Variants in FREM1 observed in about 807,000 individuals in gnomAD.
FREM1 encodes the protein FRAS1-related extracellular matrix protein 1.
A neutral mutation model predicts 210.1 loss-of-function variants in FREM1; 220 were observed. The ratio of observed to expected loss-of-function variants is 1.05; its 90% confidence interval spans 0.94 to 1.17. FREM1 has a LOEUF of 1.17. Ranked by LOEUF, FREM1 falls within the 50% of genes most tolerant of loss-of-function variation. The pLI, the probability that FREM1 is intolerant of heterozygous loss-of-function variation, is 0.00. For missense variants in FREM1, 3,454 were observed against 2,675.5 expected (o/e 1.29, Z -6.42); for synonymous variants, 1,189 against 980.2 (o/e 1.21, Z -3.98).
At chr9:14,835,473 G>C (rs1588261174) in intron 10 of FREM1, among the ~76,000 whole-genome samples, 1 of 152,226 alleles carries the variant, frequency 6.6e-6, no homozygotes, top group African/African-American at 2.4e-5. Context: ...AAGGAATCAA[G>C]CTCGACATGT....
intron 1 of FREM1, among the ~76,000 whole-genome samples, chr9:14,883,801 G>C (rs537802953): frequency 6.6e-6 from 1 of 152,330 alleles, no homozygotes; most frequent in African/African-American, 2.4e-5. Context: ...CAGAGCCTCA[G>C]AATCCATCTG....
intron 35 of FREM1, among the ~76,000 whole-genome samples, chr9:14,741,547 T>G (rs763868836): frequency 5.9e-5 from 9 of 152,270 alleles, no homozygotes; most frequent in Non-Finnish European, 8.8e-5. Flanking sequence ...ATGAGGCATC[T>G]CCTCTCCTCC....
At chr9:14,883,216 AC>A (rs1347577981) in intron 1 of FREM1, among the ~76,000 whole-genome samples, 1 of 152,198 alleles carries the variant, frequency 6.6e-6, no homozygotes, top group Non-Finnish European at 1.5e-5. Context: ...ATATTAAAAA[AC>A]TAAATTTTGA....
At chr9:14,878,235 G>C (rs1834132201) in intron 1 of FREM1, among the ~76,000 whole-genome samples, 1 of 151,946 alleles carries the variant, frequency 6.6e-6, no homozygotes, top group African/African-American at 2.4e-5. Flanking sequence ...CTCTCTCTCA[G>C]CTCATCTCCT....
chr9:14,866,638 T>C (rs1382423415), intron 2 of FREM1, among the ~76,000 whole-genome samples: 4 of 152,148 alleles, frequency 2.6e-5, no homozygotes, highest in Admixed American at 2.6e-4. Flanking sequence ...GGAATTTTCC[T>C]TCTTCTCTTT....
At chr9:14,786,107 T>C (rs1563924466) in intron 23 of FREM1, among the ~76,000 whole-genome samples, 3 of 152,198 alleles carry the variant, frequency 2.0e-5, no homozygotes. Context: ...CTAAAGACCC[T>C]TACACCTTCA....
rs1222200681 is a variant in FREM1 at position 14,747,698 on chromosome 9, T to C, written c.5827A>G (p.Thr1943Ala). ...VRPSSVYRNG[T>A]DIIYNYHGIV... is the part of the protein sequence containing the mutation. ...ACACTTACATTATAGATGATGTCTG[T>C]TCCATTTCTATAAACAGAGGATGGA... Residue 1943 changes from threonine to alanine, a missense_variant, in exon 32 of 37, where the codon ACA becomes GCA. By Grantham distance (58) the Thr-to-Ala change is moderately conservative. Transcript: ENST00000380880. 1.3e-6 allele frequency: 2 copies of C among 1,542,712 alleles called. No homozygotes were observed. The highest frequency in any genetic ancestry group is 1.8e-6 in the Non-Finnish European group (2 of 1,140,762).
chr9:14,743,679 G>A (rs1052834871), intron 35 of FREM1, among the ~76,000 whole-genome samples: 3 of 152,042 alleles, frequency 2.0e-5, no homozygotes, highest in Non-Finnish European at 2.9e-5. Context: ...ACTTCAAGGT[G>A]GGAAGTTCTG....
intron 8 of FREM1, 107 bp from the exon 9 acceptor site, chr9:14,842,767 C>T (rs1046811371): frequency 5.3e-6 from 4 of 749,584 alleles, no homozygotes; most frequent in East Asian, 2.5e-5. Context: ...GTGTGCAGCC[C>T]GTATTTCCCT....
chr9:14,850,853 T>C (rs991432850), intron 6 of FREM1, among the ~76,000 whole-genome samples: 15 of 152,362 alleles, frequency 9.8e-5, no homozygotes, highest in African/African-American at 3.6e-4. Flanking sequence ...CTGGGTCAAA[T>C]GTGGCCCTCA....
intron 5 of FREM1, 84 bp from the exon 6 acceptor site, chr9:14,851,691 A>G: frequency 9.0e-7 from 1 of 1,109,346 alleles, no homozygotes; most frequent in Non-Finnish European, 1.4e-6. Flanking sequence ...AATATTTAAT[A>G]CAGCCACAGC....
chr9:14,749,994 C>A (rs373479396), intron 30 of FREM1, 133 bp downstream of exon 30: 5 of 907,384 alleles, frequency 5.5e-6, no homozygotes, highest in South Asian at 3.1e-5. Flanking sequence ...GCCTACATCA[C>A]GACTGAGGGT....
intron 1 of FREM1, among the ~76,000 whole-genome samples, chr9:14,901,238 G>T (rs989043121): frequency 2.6e-5 from 4 of 152,174 alleles, no homozygotes; most frequent in Admixed American, 6.5e-5. Flanking sequence ...ATTAGAAGGA[G>T]ATTTGGGGCT....
At chr9:14,762,376 C>G (rs1187975234) in intron 27 of FREM1, among the ~76,000 whole-genome samples, 1 of 152,206 alleles carries the variant, frequency 6.6e-6, no homozygotes, top group Non-Finnish European at 1.5e-5. Flanking sequence ...CTAACCATGA[C>G]AAGTAAAAAT....
intron 1 of FREM1, among the ~76,000 whole-genome samples, chr9:14,899,080 T>C (rs944964194): frequency 1.3e-5 from 2 of 152,044 alleles, no homozygotes; most frequent in Non-Finnish European, 2.9e-5. Context: ...TTCTCTAGAG[T>C]AGTGGAGGGC....
At chr9:14,891,202 T>C (rs904178244) in intron 1 of FREM1, among the ~76,000 whole-genome samples, 21 of 152,242 alleles carry the variant, frequency 1.4e-4, no homozygotes, top group African/African-American at 4.8e-4. Context: ...TATTAAATCA[T>C]GTCCAGGAAT....
At chr9:14,882,659 T>G (rs538321468) in intron 1 of FREM1, among the ~76,000 whole-genome samples, 3 of 151,444 alleles carry the variant, frequency 2.0e-5, no homozygotes, top group African/African-American at 7.3e-5. Flanking sequence ...GGTTTCACCA[T>G]GTTGGCCAGG....
rs1003575331 is a variant in FREM1 at position 14,857,457 on chromosome 9, A to T, written c.828+96T>A. 46 of 1,055,880 alleles carry T rather than the reference A, an allele frequency of 4.4e-5. 1 individual carries two copies. Among genetic ancestry groups the T allele is most frequent in the Middle Eastern group, 3.0e-4 (1 of 3,362 alleles). 65.4% of individuals were successfully genotyped at this position (1,055,880 alleles called of 1,614,324 possible). On this transcript the variant is annotated intron_variant, in intron 5 of 36. Transcript: ENST00000380880. ...CAGTTTTACCCCCAAAAGCACAGGA[A>T]CTCTCCCTGGCATGGGGGCGAGCAT... is the stretch of plus-strand genomic sequence containing the variant.
intron 25 of FREM1, among the ~76,000 whole-genome samples, chr9:14,771,173 A>G (rs1847499402): frequency 6.6e-6 from 1 of 152,158 alleles, no homozygotes; most frequent in African/African-American, 2.4e-5. Flanking sequence ...TATTAAATGA[A>G]TACACTAAAA....
Sources: allele counts gnomAD v4.1 joint callset (sites outside exome capture counted in the v4.1 genomes callset), GRCh38; gene constraint gnomAD v4.1.1; transcripts MANE v1.5; gene names NCBI Gene and HGNC (gene_info 2026-07-23, HGNC 2026-07-21).